The following FAM184A variants were observed in gnomAD, a reference collection of about 807,000 sequenced individuals.
FAM184A encodes the protein family with sequence similarity 184 member A, also known as protein FAM184A.
In FAM184A, 99 loss-of-function variants were observed where a neutral mutation model predicts 143.8. The ratio of observed to expected loss-of-function variants is 0.69; its 90% confidence interval spans 0.58 to 0.81. The LOEUF (loss-of-function observed/expected upper bound fraction) is 0.81, where lower values mean the gene tolerates loss of function less well. FAM184A is among the 40% of genes least tolerant of loss of function. The pLI is 0.00. For missense variants in FAM184A, 1,217 were observed against 1,310.5 expected, an observed-to-expected ratio of 0.93 and a Z score of 1.10; for synonymous variants, 427 against 446.4, an observed-to-expected ratio of 0.96 and a Z score of 0.55.
chr6:119,003,769 C>A (rs1784839071), intron 7 of FAM184A, 147 bp from the exon 8 acceptor site: 3 of 732,162 alleles, frequency 4.1e-6, no homozygotes, highest in Non-Finnish European at 5.8e-6. Flanking sequence ...GAAAATGACT[C>A]AAGATTTTCT....
intron 1 of FAM184A, among the ~76,000 whole-genome samples, chr6:119,086,708 G>A (rs757040303): frequency 9.9e-5 from 15 of 152,188 alleles, no homozygotes; most frequent in Admixed American, 1.3e-4. Context: ...TCTCTGTCCC[G>A]AAGACAATCA....
intron 1 of FAM184A, among the ~76,000 whole-genome samples, chr6:119,028,205 G>T (rs1372845502): frequency 1.3e-5 from 2 of 152,158 alleles, no homozygotes; most frequent in Admixed American, 6.5e-5. Context: ...TCTGCAATAG[G>T]CAACTTTCTG....
At chr6:119,140,508 G>A (rs771575222) in intron 1 of FAM184A, among the ~76,000 whole-genome samples, 7 of 152,162 alleles carry the variant, frequency 4.6e-5, no homozygotes, top group Admixed American at 6.5e-5. Flanking sequence ...CTCACAGGGC[G>A]TTTCTTTCTT....
chr6:118,967,836 G>C (rs905033884), intron 14 of FAM184A, among the ~76,000 whole-genome samples: 1 of 152,096 alleles, frequency 6.6e-6, no homozygotes. Context: ...TAAAATTATG[G>C]TTAATAAAGA....
At chr6:119,055,232 T>C (rs765461222) in intron 1 of FAM184A, among the ~76,000 whole-genome samples, 2 of 152,214 alleles carry the variant, frequency 1.3e-5, no homozygotes, top group Non-Finnish European at 2.9e-5. Context: ...AGTATTTCAT[T>C]CCTTTTTATG....
At chr6:119,103,670 G>A (rs1420442497) in intron 1 of FAM184A, among the ~76,000 whole-genome samples, 1 of 152,154 alleles carries the variant, frequency 6.6e-6, no homozygotes, top group Non-Finnish European at 1.5e-5. Flanking sequence ...GCTCAAGCCT[G>A]TAATCCTAGC....
intron 4 of FAM184A, among the ~76,000 whole-genome samples, chr6:119,017,952 C>T (rs891727750): frequency 2.6e-5 from 4 of 152,200 alleles, no homozygotes; most frequent in Non-Finnish European, 5.9e-5. Flanking sequence ...GCTGGCTCCC[C>T]TCCTCCTTCC....
intron 8 of FAM184A, 68 bp downstream of exon 8, chr6:119,003,433 G>A: frequency 6.9e-7 from 1 of 1,454,196 alleles, no homozygotes; most frequent in East Asian, 2.3e-5. Context: ...ATAGGATAAT[G>A]TGAGTCATAC....
intron 1 of FAM184A, among the ~76,000 whole-genome samples, chr6:119,109,464 CCTT>C (rs750325973): frequency 7.0e-4 from 107 of 152,244 alleles, no homozygotes; most frequent in Admixed American, 2.7e-3. Context: ...TTCTGTGAAT[CCTT>C]CTCTCTCTCT....
intron 1 of FAM184A, among the ~76,000 whole-genome samples, chr6:119,124,267 C>A (rs559406883): frequency 1.3e-5 from 2 of 152,188 alleles, no homozygotes; most frequent in South Asian, 2.1e-4. Context: ...TAGTTCTTAG[C>A]CTTGAAAACT....
At chr6:118,978,529 T>C (rs1407163509) in intron 11 of FAM184A, among the ~76,000 whole-genome samples, 1 of 152,202 alleles carries the variant, frequency 6.6e-6, no homozygotes, top group Non-Finnish European at 1.5e-5. Flanking sequence ...AATGTCTAAA[T>C]TTAATCTGAT....
At chr6:119,086,438 T>C (rs1219913993) in intron 1 of FAM184A, among the ~76,000 whole-genome samples, 2 of 152,184 alleles carry the variant, frequency 1.3e-5, no homozygotes, top group East Asian at 1.9e-4. Context: ...AGAGAAAGCT[T>C]CACACATACA....
intron 1 of FAM184A, among the ~76,000 whole-genome samples, chr6:119,043,720 G>A (rs1049699550): frequency 6.6e-5 from 10 of 152,156 alleles, no homozygotes; most frequent in Non-Finnish European, 1.2e-4. Flanking sequence ...TGGGAGAATG[G>A]GCAGGAAGCC....
Position 119,078,117 on chromosome 6 carries a change from C to T in FAM184A, c.159+24G>A, listed in dbSNP as rs1173024347. 2 of 1,566,606 alleles carry T rather than the reference C, an allele frequency of 1.3e-6. No individual in the cohort carries two copies. The highest frequency in any genetic ancestry group is 3.6e-5 in the Admixed American group (2 of 54,908). On this transcript the variant is annotated intron_variant, in intron 1 of 17. Transcript: ENST00000338891. The surrounding 1 kb of genome is among the most constrained non-coding windows in gnomAD (Gnocchi z 5.5). ...GGCGCGGCCCGCACGGGGTCGCCAC[C>T]TGCCCCGTCGCTGCCCCCCTTACCT...
intron 14 of FAM184A, among the ~76,000 whole-genome samples, chr6:118,972,462 A>G (rs1246872377): frequency 1.3e-5 from 2 of 152,176 alleles, no homozygotes; most frequent in Non-Finnish European, 2.9e-5. Flanking sequence ...GCTAGGGGGT[A>G]ATTACCTGGT....
chr6:118,961,909 G>T lies in FAM184A; in HGVS notation c.3193C>A (p.Leu1065Ile), dbSNP rs1360410946. 3 of 1,613,940 alleles carry T rather than the reference G, an allele frequency of 1.9e-6. No homozygotes were observed. The South Asian group carries it at 3.3e-5, about 18-fold the overall frequency. ...PTNRFVSVPNLSALESGGVGN... is the reference protein window; with the variant it reads ...PTNRFVSVPNISALESGGVGN... The stretch of plus-strand genomic sequence containing the variant: ...ACTCCACCAGATTCCAGAGCACTTA[G>T]ATTGGGAACACTCACAAACCTGTTT... Residue 1065 changes from leucine to isoleucine, a missense_variant, in exon 17 of 18, where the codon CTA (leucine) becomes ATA (isoleucine). Transcript: ENST00000338891.
intron 1 of FAM184A, among the ~76,000 whole-genome samples, chr6:119,072,867 C>A (rs966264099): frequency 6.9e-6 from 1 of 145,454 alleles, no homozygotes; most frequent in South Asian, 2.1e-4. Flanking sequence ...CTATCATTAA[C>A]CCAGAAGAGT....
intron 1 of FAM184A, among the ~76,000 whole-genome samples, chr6:119,146,544 C>T (rs1243622453): frequency 1.3e-5 from 2 of 151,862 alleles, no homozygotes; most frequent in Admixed American, 1.3e-4. Flanking sequence ...GATCCTCCTG[C>T]CTCAGCCTTC....
chr6:118,960,846 C>G, intron 17 of FAM184A: 1 of 1,364,454 alleles, frequency 7.3e-7, no homozygotes, highest in Non-Finnish European at 9.8e-7. Context: ...AGCTCATGCA[C>G]ATGCATCTTA....
Sources: allele counts gnomAD v4.1 joint callset (sites outside exome capture counted in the v4.1 genomes callset), GRCh38; gene constraint gnomAD v4.1.1; non-coding constraint Gnocchi (gnomAD v3.1); transcripts MANE v1.5; gene names NCBI Gene and HGNC (gene_info 2026-07-23, HGNC 2026-07-21).